The following TAFA2 variants were observed in gnomAD, a reference collection of about 807,000 sequenced individuals.
The protein encoded by TAFA2 is chemokine-like protein TAFA-2.
TAFA2 carries 7 observed loss-of-function variants against 18.8 expected under a neutral mutation model. The ratio of observed to expected loss-of-function variants is 0.37; its 90% CI spans 0.21 to 0.70. The LOEUF (loss-of-function observed/expected upper bound fraction) is 0.70. Ranked by LOEUF, TAFA2 falls within the 30% of genes least tolerant of loss-of-function variation. The pLI is 0.53. For missense variants in TAFA2, 122 were observed against 158.1 expected (o/e 0.77, Z 1.23); for synonymous variants, 60 against 54.2 (o/e 1.11, Z -0.47).
chr12:61,918,139 G>A (rs1411023995), intron 1 of TAFA2, among the ~76,000 whole-genome samples: 1 of 151,958 alleles, frequency 6.6e-6, no homozygotes, highest in East Asian at 1.9e-4. Flanking sequence ...ATCACCTCAA[G>A]CATTTATTCT....
At chr12:61,912,671 C>A (rs1012294522) in intron 1 of TAFA2, among the ~76,000 whole-genome samples, 1 of 152,188 alleles carries the variant, frequency 6.6e-6, no homozygotes, top group Non-Finnish European at 1.5e-5. Flanking sequence ...TTACCACTGC[C>A]ACCATCGTGT....
At chr12:61,876,098 C>CT in intron 1 of TAFA2, among the ~76,000 whole-genome samples, 1 of 152,060 alleles carries the variant, frequency 6.6e-6, no homozygotes, top group Non-Finnish European at 1.5e-5. Flanking sequence ...CATTTTCTTT[C>CT]TTTTTTAATA....
chr12:61,838,459 A>T (rs1282490386), intron 2 of TAFA2, among the ~76,000 whole-genome samples: 1 of 152,018 alleles, frequency 6.6e-6, no homozygotes, highest in Non-Finnish European at 1.5e-5. Flanking sequence ...AAGACAATGT[A>T]TGTCAAGGCT....
At chr12:61,776,776 G>A (rs576362282) in intron 2 of TAFA2, among the ~76,000 whole-genome samples, 1 of 151,706 alleles carries the variant, frequency 6.6e-6, no homozygotes, top group East Asian at 2.0e-4. Flanking sequence ...GTTTACATGT[G>A]GATATGTTTA....
chr12:61,885,481 C>A (rs1875334256), intron 1 of TAFA2, among the ~76,000 whole-genome samples: 1 of 152,158 alleles, frequency 6.6e-6, no homozygotes. Flanking sequence ...TCTGCTGACA[C>A]CACACTGTAC....
intron 1 of TAFA2, chr12:62,198,210 A>G (rs1026058732): frequency 6.6e-6 from 1 of 152,036 alleles, no homozygotes; most frequent in Non-Finnish European, 1.5e-5. Flanking sequence ...GAGACAATCT[A>G]CCTGTTATTA....
intron 1 of TAFA2, among the ~76,000 whole-genome samples, chr12:61,989,199 A>T (rs1879915523): frequency 6.6e-6 from 1 of 152,166 alleles, no homozygotes; most frequent in Admixed American, 6.5e-5. Flanking sequence ...AATTTTGTGC[A>T]GCAGCATGGA....
chr12:62,218,831 AAT>A (rs1268767701), intron 1 of TAFA2, among the ~76,000 whole-genome samples: 25 of 152,138 alleles, frequency 1.6e-4, no homozygotes, highest in Middle Eastern at 3.2e-3. Context: ...TTTAAATTGG[AAT>A]AGTTTTCTAT....
At chr12:61,918,964 T>C (rs1876936542) in intron 1 of TAFA2, among the ~76,000 whole-genome samples, 1 of 152,226 alleles carries the variant, frequency 6.6e-6, no homozygotes, top group South Asian at 2.1e-4. Context: ...TTTAGTAAAA[T>C]GGAGATGAGA....
At chr12:61,833,927 G>A (rs1001222894) in intron 2 of TAFA2, among the ~76,000 whole-genome samples, 22 of 151,994 alleles carry the variant, frequency 1.4e-4, no homozygotes, top group African/African-American at 5.1e-4. Flanking sequence ...AACTCCAAGA[G>A]CTGGTATAGA....
At chr12:61,975,142 G>A (rs894409406) in intron 1 of TAFA2, among the ~76,000 whole-genome samples, 13 of 151,588 alleles carry the variant, frequency 8.6e-5, no homozygotes, top group South Asian at 8.3e-4. Context: ...ACATAGTTAC[G>A]TTTTGTGTTA....
chr12:61,798,395 G>A lies in TAFA2; in HGVS notation c.107-43371C>T, dbSNP rs866417259. 5.3e-5 allele frequency among the ~76,000 whole-genome samples: 8 copies of A among 152,152 alleles called. No individual in the cohort carries two copies. The Middle Eastern group carries it at 0.01, about 194-fold the overall frequency. ...CAGGACGTGCAGATTTGTTACATAG[G>A]TATATGCGTAAGTTACACATAAAAT... is the stretch of plus-strand genomic sequence containing the variant. On this transcript the variant is annotated intron_variant, in intron 2 of 4. Coordinates refer to ENST00000416284, the MANE Select transcript of TAFA2 (RefSeq NM_178539.5).
chr12:62,218,155 C>T (rs775374883), intron 1 of TAFA2, among the ~76,000 whole-genome samples: 2 of 151,846 alleles, frequency 1.3e-5, no homozygotes, highest in African/African-American at 4.8e-5. Flanking sequence ...ACCGTCACAC[C>T]GGGCTAACTT....
At chr12:62,005,885 A>G (rs1880531990) in intron 1 of TAFA2, among the ~76,000 whole-genome samples, 2 of 152,158 alleles carry the variant, frequency 1.3e-5, no homozygotes, top group Non-Finnish European at 2.9e-5. Context: ...AACATGTCTG[A>G]GAAAGAAATA....
chr12:62,240,094 A>G (rs956507473), intron 1 of TAFA2, among the ~76,000 whole-genome samples: 9 of 151,044 alleles, frequency 6.0e-5, no homozygotes, highest in Non-Finnish European at 8.8e-5. Flanking sequence ...ACATAAATAT[A>G]TACTAAATAT....
intron 2 of TAFA2, among the ~76,000 whole-genome samples, chr12:61,854,058 A>T (rs1411525192): frequency 6.6e-6 from 1 of 152,214 alleles, no homozygotes; most frequent in Non-Finnish European, 1.5e-5. Context: ...CTCAGTTTTT[A>T]CAAGAGATTT....
chr12:61,891,624 G>T (rs1000870955), intron 1 of TAFA2, among the ~76,000 whole-genome samples: 1 of 151,948 alleles, frequency 6.6e-6, no homozygotes, highest in Non-Finnish European at 1.5e-5. Context: ...CTCCAGCCTG[G>T]GCAACAAGAG....
chr12:62,165,832 C>A (rs79118879), intron 1 of TAFA2, among the ~76,000 whole-genome samples: 2,082 of 152,118 alleles, frequency 0.014, 38 homozygotes, highest in African/African-American at 0.043. Flanking sequence ...ATCTTACAAA[C>A]TCCCCAAGTT....
intron 1 of TAFA2, among the ~76,000 whole-genome samples, chr12:62,219,482 G>A (rs2062751397): frequency 6.6e-6 from 1 of 152,102 alleles, no homozygotes. Flanking sequence ...CTGAATTTTT[G>A]TATACCAAGG....
Sources: gnomAD v4.1 joint callset for allele counts (sites outside exome capture counted in the v4.1 genomes callset) on GRCh38, gnomAD v4.1.1 for gene constraint, MANE v1.5 for transcripts, NCBI Gene and HGNC (gene_info 2026-07-23, HGNC 2026-07-21) for gene names.